ARHGEF2: variants seen among roughly 807,000 people sequenced by gnomAD.
ARHGEF2 encodes the protein Rho/Rac guanine nucleotide exchange factor 2.
A neutral mutation model predicts 121.0 loss-of-function variants in ARHGEF2; 22 were observed. That is an observed-to-expected ratio of 0.18 (90% CI 0.13 to 0.26). ARHGEF2 has a LOEUF of 0.26. Ranked by LOEUF, ARHGEF2 falls within the 10% of genes least tolerant of loss-of-function variation. ARHGEF2 has a pLI of 1.00. For missense variants in ARHGEF2, 907 were observed against 1,336.0 expected (o/e 0.68, Z 5.01); for synonymous variants, 487 against 530.0 (o/e 0.92, Z 1.11).
rs1328460808 is a variant in ARHGEF2, at chr1:155,961,568, C to G, written c.1468+93G>C. 4.6e-6 allele frequency: 7 copies of G among 1,528,132 alleles called. No individual in the cohort carries two copies. The Admixed American group carries it at 1.3e-4, about 28-fold the overall frequency. The allele number at this position is 1,528,132 out of a possible 1,614,324, so 94.7% of individuals were successfully genotyped here. ...GGATTACAGGCGTTGAGCCACTGCACCCGGCCAAGAGAGGTTGATTCTAAG... is the reference window on the plus strand; with the variant it reads ...GGATTACAGGCGTTGAGCCACTGCAGCCGGCCAAGAGAGGTTGATTCTAAG... On this transcript the variant is annotated intron_variant, in intron 11 of 21. Transcript: ENST00000361247. The surrounding 1 kb of genome is among the most constrained non-coding windows in gnomAD (Gnocchi z 4.7).
At position 155,962,626 on chromosome 1, in the gene ARHGEF2, G is replaced by A. The variant is rs370489054; in HGVS notation, c.1068C>T (p.Tyr356=). ...ATTGCTGGAAGCGTTTGTCTCGGGC[G>A]TACAGCTCCTTATAGAGCTTTAAGG... ...SKALKLYKEL[Y]ARDKRFQQFI... is the part of the protein sequence containing the mutation. Residue 356 remains tyrosine (Y), a synonymous_variant, in exon 9 of 22, where the codon TAC becomes TAT. Coordinates refer to ENST00000361247, the MANE Select transcript of ARHGEF2 (RefSeq NM_001162383.2). This position sits in a 1 kb window ranked among gnomAD's most constrained non-coding sequence, Gnocchi z 5.8. The A allele has an allele frequency of 6.1e-5, 98 of 1,614,014 alleles. 1 individual carries two copies. Among genetic ancestry groups the A allele is most frequent in the Admixed American group, 3.8e-4 (23 of 60,000 alleles).
chr1:155,948,865 A>G (rs1327120562), intron 21 of ARHGEF2, among the ~76,000 whole-genome samples: 1 of 152,082 alleles, frequency 6.6e-6, no homozygotes, highest in South Asian at 2.1e-4. Context: ...TGTCAACTCA[A>G]CCTGCTGGGC....
In ARHGEF2 at chr1:155,961,888, T is replaced by G; in HGVS notation, c.1241A>C (p.Asp414Ala). The G allele has an allele frequency of 6.2e-7, 1 of 1,614,096 alleles. No individual in the cohort carries two copies. The highest frequency in any genetic ancestry group is 8.5e-7 in the Non-Finnish European group (1 of 1,180,000). Reference sequence around the variant, plus strand: ...CACTAGCCCCAGTGCTGTGGTCAGGTCCTGGCGCTCCTCCTCGATCCCTGG... The same window carrying G: ...CACTAGCCCCAGTGCTGTGGTCAGGGCCTGGCGCTCCTCCTCGATCCCTGG... ...HSHGIEEERQ[D>A]LTTALGLVKE... Residue 414 changes from aspartate (D) to alanine (A), a missense_variant, in exon 11 of 22, where the codon GAC becomes GCC. Coordinates refer to ENST00000361247, the MANE Select transcript of ARHGEF2 (RefSeq NM_001162383.2). This position sits in a 1 kb window ranked among gnomAD's most constrained non-coding sequence, Gnocchi z 4.7.
intron 11 of ARHGEF2, among the ~76,000 whole-genome samples, chr1:155,958,671 G>A (rs577468665): frequency 2.6e-5 from 4 of 151,418 alleles, no homozygotes; most frequent in African/African-American, 7.3e-5. Context: ...CGCCTCCCGG[G>A]TTCAAGCGAT....
chr1:155,950,164 G>C lies in ARHGEF2; in HGVS notation c.2887+135C>G, dbSNP rs1003776220. ...GACTTCCACCACCCATTCATCATCAGACAAAACAGGAAGTCCCTCCCTAGA... is the reference window on the plus strand; with the variant it reads ...GACTTCCACCACCCATTCATCATCACACAAAACAGGAAGTCCCTCCCTAGA... On this transcript the variant is annotated intron_variant, in intron 21 of 21. Coordinates refer to ENST00000361247, the MANE Select transcript of ARHGEF2 (RefSeq NM_001162383.2). The surrounding 1 kb of genome is among the most constrained non-coding windows in gnomAD (Gnocchi z 5.2). 1 of 1,108,268 alleles carries C rather than the reference G, an allele frequency of 9.0e-7. No homozygotes were observed. Among genetic ancestry groups the C allele is most frequent in the Non-Finnish European group, 1.3e-6 (1 of 776,040 alleles). The allele number at this position is 1,108,268 out of a possible 1,614,324, so 68.7% of individuals were successfully genotyped here.
intron 16 of ARHGEF2, 26 bp downstream of exon 16, chr1:155,952,090 C>T: frequency 6.2e-7 from 1 of 1,614,150 alleles, no homozygotes; most frequent in Non-Finnish European, 8.5e-7. Context: ...CCACCTACTA[C>T]CTTGGTCCCC....
rs1019425463 is a variant in ARHGEF2, at chr1:155,962,764, A to T, written c.976-46T>A. On this transcript the variant is annotated intron_variant, in intron 8 of 21. Transcript: ENST00000361247. This position sits in a 1 kb window ranked among gnomAD's most constrained non-coding sequence, Gnocchi z 5.8. ...GTTAGGTCAGCATTCCCCCAAAGCC[A>T]CACTTTACCCACTGGACACACCTCT... 6.2e-7 allele frequency: 1 copy of T among 1,612,186 alleles called. No homozygotes were observed. The highest frequency in any genetic ancestry group is 1.3e-5 in the African/African-American group (1 of 74,984).
intron 7 of ARHGEF2, 141 bp from the exon 8 acceptor site, chr1:155,963,324 A>ACTT (rs1290151032): frequency 2.8e-6 from 2 of 723,326 alleles, no homozygotes; most frequent in African/African-American, 3.7e-5. Context: ...GATCTTAGAT[A>ACTT]CTTTTCTAAT....
At position 155,965,452 on chromosome 1, in the gene ARHGEF2, GC is replaced by G; in HGVS notation, c.471-41del. ...GGCTGTCTGCATCACCCCCAGTCGG[GC>G]AAAAGATCCCTTCCCAGGTAGGGAA... On this transcript the variant is annotated intron_variant, in intron 5 of 21. Coordinates refer to ENST00000361247, the MANE Select transcript of ARHGEF2 (RefSeq NM_001162383.2). The surrounding 1 kb of genome is among the most constrained non-coding windows in gnomAD (Gnocchi z 6.0). The G allele has an allele frequency of 6.2e-7, 1 of 1,604,564 alleles. No homozygotes were observed. The highest frequency in any genetic ancestry group is 8.5e-7 in the Non-Finnish European group (1 of 1,171,632).
At chr1:155,954,608 G>A (rs1436086412) in intron 14 of ARHGEF2, among the ~76,000 whole-genome samples, 3 of 38,176 alleles carry the variant, frequency 7.9e-5, no homozygotes, top group Non-Finnish European at 3.0e-4. Flanking sequence ...CTTTTTTAAG[G>A]AAGAAGATTT....
chr1:155,947,714 A>G lies in ARHGEF2; in HGVS notation c.*228T>C. 1.8e-6 allele frequency: 1 copy of G among 545,062 alleles called. No homozygotes were observed. Among genetic ancestry groups the G allele is most frequent in the Non-Finnish European group, 3.3e-6 (1 of 305,744 alleles). 33.8% of individuals were successfully genotyped at this position (545,062 alleles called of 1,614,324 possible). On this transcript the variant is annotated 3_prime_UTR_variant, in exon 22 of 22. Coordinates refer to ENST00000361247, the MANE Select transcript of ARHGEF2 (RefSeq NM_001162383.2). ...TTTCCTAAAGTTGCGGGAAGAAGGC[A>G]TGAACCACTGGCATCTGTGGTGTAG...
At position 155,969,433 on chromosome 1, in the gene ARHGEF2, A is replaced by G. The variant is rs541393979; in HGVS notation, c.64-133T>C. 2.5e-4 allele frequency: 378 copies of G among 1,492,790 alleles called. 4 individuals carry two copies. The Admixed American group carries it at 8.0e-3, about 32-fold the overall frequency. The allele number at this position is 1,492,790 out of a possible 1,614,324, so 92.5% of individuals were successfully genotyped here. The stretch of plus-strand genomic sequence containing the variant: ...GGATGCTGGAAAGACACCAGTTCCT[A>G]AAGCAGAGCCTGCAACTGGGTGTCA... On this transcript the variant is annotated intron_variant, in intron 1 of 21. Transcript: ENST00000361247.
intron 7 of ARHGEF2, among the ~76,000 whole-genome samples, chr1:155,964,481 G>A (rs1244133919): frequency 6.6e-6 from 1 of 151,960 alleles, no homozygotes; most frequent in Non-Finnish European, 1.5e-5. Flanking sequence ...AGTAAAGACT[G>A]AAGACAGAGA....
chr1:155,957,157 G>GT (rs1214500522), intron 13 of ARHGEF2, among the ~76,000 whole-genome samples: 1 of 152,064 alleles, frequency 6.6e-6, no homozygotes, highest in Non-Finnish European at 1.5e-5. Flanking sequence ...TTTATTTGAT[G>GT]TTTTTTCCCA....
Position 155,961,961 on chromosome 1 carries a change from CCA to C in ARHGEF2, c.1220-54_1220-53del. Reference sequence around the variant, plus strand: ...CGGCTCAACCAGTTTCACTCACACCCCAGTTCCCATCGTGTCTTGATTCCACC... The same window carrying C: ...CGGCTCAACCAGTTTCACTCACACCCGTTCCCATCGTGTCTTGATTCCACC... On this transcript the variant is annotated intron_variant, in intron 10 of 21. Coordinates refer to ENST00000361247, the MANE Select transcript of ARHGEF2 (RefSeq NM_001162383.2). This position sits in a 1 kb window ranked among gnomAD's most constrained non-coding sequence, Gnocchi z 4.7. The C allele has an allele frequency of 6.2e-7, 1 of 1,608,878 alleles. No individual in the cohort carries two copies. The highest frequency in any genetic ancestry group is 8.5e-7 in the Non-Finnish European group (1 of 1,176,356).
At position 155,959,182 on chromosome 1, in the gene ARHGEF2, T is replaced by A. The variant is rs548764701; in HGVS notation, c.1469-786A>T. On this transcript the variant is annotated intron_variant, in intron 11 of 21. Transcript: ENST00000361247. ...GACAGGGTCCAAGATTTTTGTGAGA[T>A]TCATAAGGTTCCCCAGAGCAAGAGG... is the stretch of plus-strand genomic sequence containing the variant. 3.9e-5 allele frequency among the ~76,000 whole-genome samples: 6 copies of A among 152,264 alleles called. No individual in the cohort carries two copies. The South Asian group carries it at 1.2e-3, about 32-fold the overall frequency.
At chr1:155,977,959 G>T in intron 1 of ARHGEF2, 1 of 439,074 alleles carries the variant, frequency 2.3e-6, no homozygotes, top group Non-Finnish European at 3.1e-6. Context: ...ATGGGGGGTC[G>T]CCACGCCAAG....
At chr1:155,974,852 A>G (rs143624273) in intron 1 of ARHGEF2, among the ~76,000 whole-genome samples, 263 of 151,296 alleles carry the variant, frequency 1.7e-3, no homozygotes, top group African/African-American at 4.0e-3. Context: ...GCAGAAAGAG[A>G]GGGGGGGTAA....
rs1286665409 is a variant in ARHGEF2 at position 155,961,377 on chromosome 1, C to G, written c.1468+284G>C. 2.6e-5 allele frequency among the ~76,000 whole-genome samples: 4 copies of G among 151,620 alleles called. No individual in the cohort carries two copies. The highest frequency in any genetic ancestry group is 7.3e-5 in the African/African-American group (3 of 41,186). On this transcript the variant is annotated intron_variant, in intron 11 of 21. Coordinates refer to ENST00000361247, the MANE Select transcript of ARHGEF2 (RefSeq NM_001162383.2). This position sits in a 1 kb window ranked among gnomAD's most constrained non-coding sequence, Gnocchi z 4.7. ...GCAAGCTCCGCCTCCTGGGTTCACG[C>G]CATTCTCCTGCCTCAGCCTCCTGAG...
Sources: allele counts gnomAD v4.1 joint callset (sites outside exome capture counted in the v4.1 genomes callset), GRCh38; gene constraint gnomAD v4.1.1; non-coding constraint Gnocchi (gnomAD v3.1); transcripts MANE v1.5; gene names NCBI Gene and HGNC (gene_info 2026-07-23, HGNC 2026-07-21).